SH3PXD2A: variants seen among roughly 807,000 people sequenced by gnomAD.
SH3PXD2A encodes the protein SH3 and PX domain-containing protein 2A.
SH3PXD2A carries 32 observed loss-of-function variants against 115.2 expected under a neutral mutation model. The ratio of observed to expected loss-of-function variants is 0.28; its 90% confidence interval spans 0.21 to 0.37. SH3PXD2A has a LOEUF of 0.37. SH3PXD2A is among the 10% of genes least tolerant of loss of function. The pLI, the probability that SH3PXD2A is intolerant of heterozygous loss-of-function variation, is 1.00. For synonymous variants in SH3PXD2A, 610 were observed against 629.1 expected (o/e 0.97, Z 0.45); for missense variants, 1,328 against 1,498.7 (o/e 0.89, Z 1.88).
chr10:103,673,239 C>T (rs1047660288), intron 6 of SH3PXD2A: 1 of 152,192 alleles, frequency 6.6e-6, no homozygotes, highest in Non-Finnish European at 1.5e-5. Context: ...TTCTCCCCAT[C>T]TCACTACTGC....
At chr10:103,776,395 CAAAAAA>C (rs11384789) in intron 2 of SH3PXD2A, among the ~76,000 whole-genome samples, 1 of 88,324 alleles carries the variant, frequency 1.1e-5, no homozygotes. Flanking sequence ...ACCACTGTCT[CAAAAAA>C]AAAAAAAAAA....
At chr10:103,695,722 T>A (rs1241821271) in intron 5 of SH3PXD2A, among the ~76,000 whole-genome samples, 1 of 152,152 alleles carries the variant, frequency 6.6e-6, no homozygotes, top group Non-Finnish European at 1.5e-5. Flanking sequence ...GCTGCTCCAG[T>A]GTTGCATAAT....
chr10:103,633,564 A>G (rs886221632), intron 8 of SH3PXD2A, among the ~76,000 whole-genome samples: 2 of 150,776 alleles, frequency 1.3e-5, no homozygotes, highest in African/African-American at 2.4e-5. Context: ...TGTCTCTACT[A>G]AAAATACAAA....
At chr10:103,834,673 T>C (rs1348560948) in intron 1 of SH3PXD2A, among the ~76,000 whole-genome samples, 1 of 152,246 alleles carries the variant, frequency 6.6e-6, no homozygotes, top group Admixed American at 6.5e-5. Context: ...GCACCTGCTG[T>C]CTCTGGTATT....
At chr10:103,848,445 C>T (rs940113020) in intron 1 of SH3PXD2A, among the ~76,000 whole-genome samples, 1 of 152,158 alleles carries the variant, frequency 6.6e-6, no homozygotes, top group Non-Finnish European at 1.5e-5. Flanking sequence ...CTCAAAGTGA[C>T]TATTTAGCTC....
At chr10:103,604,333 T>C (rs1314909122) in intron 14 of SH3PXD2A, among the ~76,000 whole-genome samples, 5 of 152,212 alleles carry the variant, frequency 3.3e-5, no homozygotes, top group Non-Finnish European at 7.3e-5. Context: ...GCTGTGGTCA[T>C]CTTACTGGAA....
intron 4 of SH3PXD2A, 86 bp from the exon 5 acceptor site, chr10:103,724,447 G>T: frequency 1.4e-6 from 1 of 729,384 alleles, no homozygotes; most frequent in Non-Finnish European, 2.2e-6. Context: ...CACCAACAGT[G>T]ACAGAGAGGC....
At chr10:103,694,477 C>A (rs983834104) in intron 5 of SH3PXD2A, among the ~76,000 whole-genome samples, 1 of 152,146 alleles carries the variant, frequency 6.6e-6, no homozygotes, top group Admixed American at 6.5e-5. Context: ...GGAGCTCCCC[C>A]TCTCCTAGGC....
chr10:103,753,636 CT>C (rs2134208200), intron 3 of SH3PXD2A, among the ~76,000 whole-genome samples: 1 of 152,090 alleles, frequency 6.6e-6, no homozygotes, highest in East Asian at 1.9e-4. Flanking sequence ...GCCTGTGAGT[CT>C]TCATGTGTCA....
chr10:103,847,317 A>ATTTT, intron 1 of SH3PXD2A, among the ~76,000 whole-genome samples: 1 of 143,110 alleles, frequency 7.0e-6, no homozygotes, highest in South Asian at 2.2e-4. Flanking sequence ...GCTTTTTAGA[A>ATTTT]TTTTTTTTTT....
intron 2 of SH3PXD2A, among the ~76,000 whole-genome samples, chr10:103,788,614 C>G (rs1420814199): frequency 6.6e-6 from 1 of 152,180 alleles, no homozygotes; most frequent in Non-Finnish European, 1.5e-5. Flanking sequence ...CGCCTGTAAT[C>G]CCAGCACTTT....
In SH3PXD2A at chr10:103,800,925, A is replaced by T. The variant is rs967465129; in HGVS notation, c.153+357T>A. On this transcript the variant is annotated intron_variant, in intron 2 of 14. Transcript: ENST00000369774. ...TGCTTTTCTTTGCCTGCAATGATGC[A>T]GTGGCTTCTGTCTCACCCTGGATGT... is the stretch of plus-strand genomic sequence containing the variant. 2.0e-5 allele frequency among the ~76,000 whole-genome samples: 3 copies of T among 152,194 alleles called. No homozygotes were observed. In the East Asian group the frequency reaches 5.8e-4, roughly 29 times the overall value.
In SH3PXD2A at chr10:103,621,609, G is replaced by A. The variant is rs557808786; in HGVS notation, c.802+861C>T. On this transcript the variant is annotated intron_variant, in intron 10 of 14. Transcript: ENST00000369774. ...TTTATGATACACCTCTCTCTGTGCC[G>A]TCACTGTGAGAAGCACACACACCCT... 1.0e-3 allele frequency among the ~76,000 whole-genome samples: 157 copies of A among 152,298 alleles called. 1 individual carries two copies. The highest frequency in any genetic ancestry group is 3.3e-3 in the African/African-American group (136 of 41,556).
At chr10:103,722,303 CAAAA>C (rs34835878) in intron 5 of SH3PXD2A, among the ~76,000 whole-genome samples, 5 of 91,304 alleles carry the variant, frequency 5.5e-5, no homozygotes, top group Admixed American at 2.6e-4. Flanking sequence ...GACTCTGTCT[CAAAA>C]AAAAAAAAAA....
intron 5 of SH3PXD2A, among the ~76,000 whole-genome samples, chr10:103,701,144 CTA>C (rs2037892978): frequency 4.3e-5 from 1 of 23,518 alleles, no homozygotes; most frequent in Non-Finnish European, 7.7e-5. Context: ...CATCCATCCA[CTA>C]TCCATCCATC....
At position 103,762,014 on chromosome 10, in the gene SH3PXD2A, C is replaced by CTTTTTTTTTTTTTT. The variant is rs79615908; in HGVS notation, c.229+5066_229+5079dup. Among the ~76,000 whole-genome samples the CTTTTTTTTTTTTTT allele has an allele frequency of 1.2e-4, 11 of 90,684 alleles. 1 individual carries two copies. The highest frequency in any genetic ancestry group is 1.4e-4 in the Non-Finnish European group (6 of 44,402). 59.5% of individuals were successfully genotyped at this position (90,684 alleles called of 152,430 possible). A position where few individuals can be genotyped will look rare whatever the true frequency, so the allele number is the denominator to read the frequency against. On this transcript the variant is annotated intron_variant, in intron 3 of 14. Transcript: ENST00000369774. ...CACACACTAGGAGCAATCAACACGT[C>CTTTTTTTTTTTTTT]TTTTTTTTTTTTTTTTTTTTTTTTT...
chr10:103,703,069 G>A (rs1647744262), intron 5 of SH3PXD2A, among the ~76,000 whole-genome samples: 1 of 152,238 alleles, frequency 6.6e-6, no homozygotes, highest in Non-Finnish European at 1.5e-5. Context: ...GAGACTGGGA[G>A]CTTGGGCCAA....
intron 11 of SH3PXD2A, among the ~76,000 whole-genome samples, chr10:103,616,214 T>G (rs2036516663): frequency 6.6e-6 from 1 of 152,194 alleles, no homozygotes; most frequent in African/African-American, 2.4e-5. Context: ...TGGGGCACAT[T>G]GGTGCCACTG....
At chr10:103,616,711 G>C (rs536353319) in intron 11 of SH3PXD2A, among the ~76,000 whole-genome samples, 1 of 152,366 alleles carries the variant, frequency 6.6e-6, no homozygotes, top group South Asian at 2.1e-4. Flanking sequence ...GGACGTGGCT[G>C]CAAGAGGCCT....
Sources: allele counts gnomAD v4.1 joint callset (sites outside exome capture counted in the v4.1 genomes callset), GRCh38; gene constraint gnomAD v4.1.1; transcripts MANE v1.5; gene names NCBI Gene and HGNC (gene_info 2026-07-23, HGNC 2026-07-21).